SNX24: variants seen among roughly 807,000 people sequenced by gnomAD.
The protein encoded by SNX24 is sorting nexin-24.
A neutral mutation model predicts 28.7 loss-of-function variants in SNX24; 22 were observed. That is an observed-to-expected ratio of 0.77 (90% CI 0.55 to 1.10). The LOEUF (loss-of-function observed/expected upper bound fraction) is 1.10, where lower values mean the gene tolerates loss of function less well. SNX24 is among the 50% of genes least tolerant of loss of function. SNX24 has a pLI of 0.00. For missense variants in SNX24, 221 were observed against 201.1 expected (o/e 1.10, Z -0.60); for synonymous variants, 69 against 71.5 (o/e 0.96, Z 0.18).
At chr5:122,944,449 AG>A (rs1370513331) in intron 2 of SNX24, among the ~76,000 whole-genome samples, 2 of 152,106 alleles carry the variant, frequency 1.3e-5, no homozygotes, top group Admixed American at 1.3e-4. Flanking sequence ...CCCCAAAAAA[AG>A]AAGGAGGAAA....
intron 1 of SNX24, among the ~76,000 whole-genome samples, chr5:122,847,802 C>G (rs1754711519): frequency 6.6e-6 from 1 of 151,996 alleles, no homozygotes; most frequent in Non-Finnish European, 1.5e-5. Flanking sequence ...CCCTAAAATA[C>G]CTTCTGAAGG....
At chr5:122,895,713 A>G (rs1007228497) in intron 1 of SNX24, among the ~76,000 whole-genome samples, 14 of 152,332 alleles carry the variant, frequency 9.2e-5, no homozygotes, top group Non-Finnish European at 1.5e-4. Context: ...CACCCTCACC[A>G]TGTTCCTCAA....
At chr5:122,853,167 C>T (rs1031082130) in intron 1 of SNX24, among the ~76,000 whole-genome samples, 15 of 132,986 alleles carry the variant, frequency 1.1e-4, no homozygotes, top group African/African-American at 1.7e-4. Flanking sequence ...CGCTCTGTTG[C>T]CCAGGCTGGA....
intron 1 of SNX24, among the ~76,000 whole-genome samples, chr5:122,876,965 G>A (rs1275730062): frequency 6.6e-6 from 1 of 152,212 alleles, no homozygotes; most frequent in East Asian, 1.9e-4. Context: ...GTGGTGGTTA[G>A]AGAGTGGAAA....
At chr5:122,897,313 T>C (rs1207841855) in intron 1 of SNX24, among the ~76,000 whole-genome samples, 2 of 152,192 alleles carry the variant, frequency 1.3e-5, no homozygotes, top group Non-Finnish European at 2.9e-5. Flanking sequence ...TTCTTTTTTT[T>C]ATTTTTAAAT....
At position 122,920,842 on chromosome 5, in the gene SNX24, A is replaced by G. The variant is rs142155238; in HGVS notation, c.61-15892A>G. Among the ~76,000 whole-genome samples the G allele has an allele frequency of 9.6e-4, 146 of 152,346 alleles. 1 individual carries two copies. The highest frequency in any genetic ancestry group is 3.4e-3 in the African/African-American group (141 of 41,582). On this transcript the variant is annotated intron_variant, in intron 1 of 6. Coordinates refer to ENST00000261369, the MANE Select transcript of SNX24 (RefSeq NM_014035.4). ...AATGCAGAAAAACTGAGGGGAAAAC[A>G]TGAAATGTGCAAATAGGAAAAATTG...
rs1291931817 is a variant in SNX24, at chr5:122,943,452, T to C, written c.145-2603T>C. ...TCATGCCTGTCCTCTTGAAACACTT[T>C]CCTGATGGAAGCTACTCCCCCTCTT... is the stretch of plus-strand genomic sequence containing the variant. On this transcript the variant is annotated intron_variant, in intron 2 of 6. Transcript: ENST00000261369. Among the ~76,000 whole-genome samples, 3 of 152,274 alleles carry C rather than the reference T, an allele frequency of 2.0e-5. No homozygotes were observed. The East Asian group carries it at 5.8e-4, about 29-fold the overall frequency.
chr5:123,027,208 G>T (rs7715254), intron 5 of SNX24, among the ~76,000 whole-genome samples: 47,300 of 151,644 alleles, frequency 0.31, 8,549 homozygotes, highest in East Asian at 0.83. Context: ...GAAAAAAAAA[G>T]CCCAGAAGTG....
rs1411274232 is a variant in SNX24, at chr5:122,940,378, A to G, written c.144+3561A>G. Among the ~76,000 whole-genome samples the G allele has an allele frequency of 2.6e-5, 4 of 152,062 alleles. No individual in the cohort carries two copies. The East Asian group carries it at 7.7e-4, about 29-fold the overall frequency. ...ATTACTTTAACCATTTCAGATCCTT[A>G]TCCATTCTCTGCTGCAGACCAGTTT... On this transcript the variant is annotated intron_variant, in intron 2 of 6. Transcript: ENST00000261369.
chr5:122,951,811 G>A (rs944435224), intron 3 of SNX24, among the ~76,000 whole-genome samples: 2 of 152,202 alleles, frequency 1.3e-5, no homozygotes. Context: ...TTGTGGAGGC[G>A]GGAGGCAGCC....
intron 5 of SNX24, among the ~76,000 whole-genome samples, chr5:123,015,413 AAG>A (rs1431855733): frequency 6.6e-6 from 1 of 152,246 alleles, no homozygotes; most frequent in Non-Finnish European, 1.5e-5. Context: ...CAGTCTGACA[AAG>A]AGTGGTTAAT....
intron 1 of SNX24, among the ~76,000 whole-genome samples, chr5:122,907,068 T>C (rs1222008651): frequency 6.6e-6 from 1 of 152,180 alleles, no homozygotes; most frequent in Non-Finnish European, 1.5e-5. Context: ...ACTTATCTTT[T>C]AATCCTACGT....
chr5:123,001,497 C>T, intron 5 of SNX24, 60 bp downstream of exon 5: 4 of 1,160,124 alleles, frequency 3.4e-6, no homozygotes, highest in South Asian at 1.3e-5. Flanking sequence ...TGTTTAATCA[C>T]CTACGATGTG....
chr5:123,028,984 G>A, intron 5 of SNX24: 1 of 975,770 alleles, frequency 1.0e-6, no homozygotes, highest in Non-Finnish European at 1.5e-6. Context: ...TACAGAACTT[G>A]ATTCTATCCC....
At chr5:122,893,256 C>T (rs939857526) in intron 1 of SNX24, among the ~76,000 whole-genome samples, 2 of 150,672 alleles carry the variant, frequency 1.3e-5, no homozygotes, top group African/African-American at 2.4e-5. Flanking sequence ...TCCTTCTAGT[C>T]GGCTCTTGTG....
At chr5:123,011,127 A>C (rs1194847795), downstream of SNX24, among the ~76,000 whole-genome samples, 1 of 152,166 alleles carries the variant, frequency 6.6e-6, no homozygotes, top group African/African-American at 2.4e-5. Flanking sequence ...GGGAAATATC[A>C]AAAACTTTAA....
intron 1 of SNX24, among the ~76,000 whole-genome samples, chr5:122,886,451 A>G (rs1378272923): frequency 6.6e-6 from 1 of 152,108 alleles, no homozygotes; most frequent in Non-Finnish European, 1.5e-5. Context: ...TCTGGAAGCG[A>G]TACATTTTTG....
chr5:122,972,265 C>T (rs1158280031), intron 3 of SNX24, among the ~76,000 whole-genome samples: 2 of 152,152 alleles, frequency 1.3e-5, no homozygotes, highest in Non-Finnish European at 2.9e-5. Context: ...GTTAGCAGAA[C>T]ATAATGTCGA....
chr5:122,863,277 G>A (rs549750797), intron 1 of SNX24, among the ~76,000 whole-genome samples: 2 of 152,226 alleles, frequency 1.3e-5, no homozygotes, highest in South Asian at 2.1e-4. Context: ...GAGTCATGAG[G>A]TTATCCAAGG....
Sources: gnomAD v4.1 joint callset for allele counts (sites outside exome capture counted in the v4.1 genomes callset) on GRCh38, gnomAD v4.1.1 for gene constraint, MANE v1.5 for transcripts, NCBI Gene and HGNC (gene_info 2026-07-23, HGNC 2026-07-21) for gene names.